The following TP63 variants were observed in gnomAD, a reference collection of about 807,000 sequenced individuals.
TP63 encodes the protein tumor protein p63, also known as tumor protein 63.
In TP63, 17 loss-of-function variants were observed where a neutral mutation model predicts 82.8. That is an observed-to-expected ratio of 0.21 (90% CI 0.14 to 0.31). TP63 has a LOEUF of 0.31. Ranked by LOEUF, TP63 falls within the 10% of genes least tolerant of loss-of-function variation. The pLI is 1.00. For synonymous variants in TP63, 330 were observed against 321.7 expected (o/e 1.03, Z -0.28); for missense variants, 648 against 895.3 (o/e 0.72, Z 3.52).
At chr3:189,774,396 G>A (rs1198011591) in intron 3 of TP63, among the ~76,000 whole-genome samples, 1 of 152,176 alleles carries the variant, frequency 6.6e-6, no homozygotes, top group Non-Finnish European at 1.5e-5. Flanking sequence ...ATTATGTGTA[G>A]CGATTTTGCA....
intron 3 of TP63, among the ~76,000 whole-genome samples, chr3:189,802,114 G>A (rs1022263305): frequency 3.3e-5 from 5 of 152,030 alleles, no homozygotes; most frequent in Non-Finnish European, 7.4e-5. Flanking sequence ...GGCAGAAGAC[G>A]AAAAAATGAC....
intron 13 of TP63, among the ~76,000 whole-genome samples, chr3:189,893,063 A>T (rs1017944656): frequency 1.3e-5 from 2 of 152,214 alleles, no homozygotes; most frequent in Non-Finnish European, 2.9e-5. Context: ...GTTATTGGGC[A>T]TCATCACTTC....
chr3:189,867,367 T>C (rs1717858336), intron 6 of TP63, among the ~76,000 whole-genome samples: 1 of 152,192 alleles, frequency 6.6e-6, no homozygotes, highest in Non-Finnish European at 1.5e-5. Flanking sequence ...TTGGACTAGA[T>C]TATGTTTAAT....
chr3:189,774,999 C>T (rs1388029711), intron 3 of TP63, among the ~76,000 whole-genome samples: 1 of 152,046 alleles, frequency 6.6e-6, no homozygotes, highest in Non-Finnish European at 1.5e-5. Context: ...GGGCAGATCA[C>T]GAGTTCAGGA....
chr3:189,604,994 A>G, the TP63 span, among the ~76,000 whole-genome samples: 1 of 152,146 alleles, frequency 6.6e-6, no homozygotes. Context: ...AATTGTGCCA[A>G]TGACAAGGTT....
intron 1 of TP63, among the ~76,000 whole-genome samples, chr3:189,638,998 T>G (rs549889753): frequency 1.3e-5 from 2 of 152,266 alleles, no homozygotes; most frequent in African/African-American, 4.8e-5. Context: ...AGACTTCACA[T>G]TCTCACTTTA....
intron 3 of TP63, among the ~76,000 whole-genome samples, chr3:189,801,094 A>C (rs75882530): frequency 0.03 from 4,636 of 152,246 alleles, 121 homozygotes; most frequent in Admixed American, 0.094. Context: ...ACATTATTTA[A>C]AAAATATTTT....
At chr3:189,660,261 A>C (rs1429987641) in intron 1 of TP63, among the ~76,000 whole-genome samples, 1 of 152,008 alleles carries the variant, frequency 6.6e-6, no homozygotes, top group Non-Finnish European at 1.5e-5. Context: ...CATCTTCTGC[A>C]TATTGGTTAG....
At chr3:189,616,226 T>G in the TP63 span, among the ~76,000 whole-genome samples, 1 of 152,220 alleles carries the variant, frequency 6.6e-6, no homozygotes, top group South Asian at 2.1e-4. Flanking sequence ...TTTACCTAAT[T>G]ATAACTAGCT....
intron 3 of TP63, among the ~76,000 whole-genome samples, chr3:189,757,758 T>A (rs541193482): frequency 6.6e-6 from 1 of 152,198 alleles, no homozygotes; most frequent in East Asian, 1.9e-4. Context: ...TCACCAGCAA[T>A]CTCAGATGAC....
the TP63 span, among the ~76,000 whole-genome samples, chr3:189,613,729 C>G: frequency 2.0e-5 from 3 of 152,268 alleles, no homozygotes; most frequent in East Asian, 3.9e-4. Flanking sequence ...TGGAGCTGCC[C>G]AAGACCATGG....
chr3:189,709,775 A>C (rs1011057945), intron 1 of TP63, among the ~76,000 whole-genome samples: 1 of 152,170 alleles, frequency 6.6e-6, no homozygotes, highest in Non-Finnish European at 1.5e-5. Flanking sequence ...GGAGGCATAC[A>C]TGGGAGGCAA....
chr3:189,646,327 G>A (rs1577169826), intron 1 of TP63, among the ~76,000 whole-genome samples: 1 of 146,942 alleles, frequency 6.8e-6, no homozygotes, highest in Non-Finnish European at 1.5e-5. Context: ...TGTAGGGTAT[G>A]CGTTTTACAA....
the TP63 span, among the ~76,000 whole-genome samples, chr3:189,623,357 C>T: frequency 1.3e-5 from 2 of 152,232 alleles, no homozygotes; most frequent in Non-Finnish European, 2.9e-5. Context: ...CCCACCTACA[C>T]ACATGCTTCA....
chr3:189,627,279 G>A (rs1360472425), upstream of TP63, among the ~76,000 whole-genome samples: 2 of 152,146 alleles, frequency 1.3e-5, no homozygotes, highest in Non-Finnish European at 2.9e-5. Flanking sequence ...GGCCATAATT[G>A]TGTATCTAAG....
At chr3:189,611,154 C>T in the TP63 span, among the ~76,000 whole-genome samples, 1 of 152,146 alleles carries the variant, frequency 6.6e-6, no homozygotes, top group East Asian at 1.9e-4. Flanking sequence ...TTAATTAGAT[C>T]TCATTTGTCA....
chr3:189,728,850 A>T (rs1022875224), intron 1 of TP63, among the ~76,000 whole-genome samples: 1 of 152,168 alleles, frequency 6.6e-6, no homozygotes, highest in Non-Finnish European at 1.5e-5. Flanking sequence ...TGATCCAATT[A>T]CTTCCTCCTG....
intron 3 of TP63, among the ~76,000 whole-genome samples, chr3:189,796,035 C>T (rs1322312773): frequency 1.3e-5 from 2 of 151,928 alleles, no homozygotes; most frequent in South Asian, 2.1e-4. Context: ...ATTAAATAGT[C>T]GTCTTAGAAA....
chr3:189,840,492 CAGAG>C (rs57868359), intron 4 of TP63, among the ~76,000 whole-genome samples: 32,898 of 148,470 alleles, frequency 0.22, 3,679 homozygotes, highest in African/African-American at 0.26. Context: ...ATGAGAGAGA[CAGAG>C]AGAGAGATGG....
Sources: allele counts gnomAD v4.1 joint callset (sites outside exome capture counted in the v4.1 genomes callset), GRCh38; gene constraint gnomAD v4.1.1; transcripts MANE v1.5; gene names NCBI Gene and HGNC (gene_info 2026-07-23, HGNC 2026-07-21).